C1orf185: variants seen among roughly 807,000 people sequenced by gnomAD.
C1orf185 encodes uncharacterized protein C1orf185.
In C1orf185, 13 loss-of-function variants were observed where a neutral mutation model predicts 16.1. That is an observed-to-expected ratio of 0.81 (90% CI 0.53 to 1.28). The LOEUF is 1.28. Ranked by LOEUF, C1orf185 falls within the 50% of genes most tolerant of loss-of-function variation. The pLI is 0.00. For synonymous variants in C1orf185, 80 were observed against 76.9 expected, an observed-to-expected ratio of 1.04 and a Z score of -0.21; for missense variants, 220 against 225.2, an observed-to-expected ratio of 0.98 and a Z score of 0.15.
intron 2 of C1orf185, among the ~76,000 whole-genome samples, chr1:51,114,105 G>C (rs1646141571): frequency 6.6e-6 from 1 of 152,128 alleles, no homozygotes; most frequent in African/African-American, 2.4e-5. Flanking sequence ...ACTGAAAGCA[G>C]AGCAAATACA....
chr1:51,140,183 T>C (rs1338848959), intron 3 of C1orf185, among the ~76,000 whole-genome samples: 1 of 152,226 alleles, frequency 6.6e-6, no homozygotes, highest in African/African-American at 2.4e-5. Context: ...TTTCGTTGTC[T>C]CACGCCTCAA....
chr1:51,106,760 ATTT>A (rs1188472569), intron 1 of C1orf185, among the ~76,000 whole-genome samples: 3 of 140,600 alleles, frequency 2.1e-5, no homozygotes, highest in African/African-American at 2.6e-5. Flanking sequence ...CAGATCTGTA[ATTT>A]TTTTTTTTTT....
intron 2 of C1orf185, 32 bp downstream of exon 2, chr1:51,112,601 T>C (rs1646129656): frequency 6.8e-7 from 1 of 1,479,144 alleles, no homozygotes; most frequent in Non-Finnish European, 9.1e-7. Flanking sequence ...CTTTAACCTT[T>C]TTTTCTTTTA....
chr1:51,134,043 C>T (rs1407708364), intron 3 of C1orf185, among the ~76,000 whole-genome samples: 2 of 152,040 alleles, frequency 1.3e-5, no homozygotes, highest in South Asian at 2.1e-4. Flanking sequence ...CATGGCACCA[C>T]TGCACTCCAC....
chr1:51,131,838 T>A (rs574168112), intron 3 of C1orf185, among the ~76,000 whole-genome samples: 1 of 152,116 alleles, frequency 6.6e-6, no homozygotes, highest in Non-Finnish European at 1.5e-5. Context: ...TACTAAATGC[T>A]TTGGCTGACA....
chr1:51,128,366 G>T (rs1271975653), intron 3 of C1orf185, among the ~76,000 whole-genome samples: 3 of 150,588 alleles, frequency 2.0e-5, no homozygotes, highest in African/African-American at 5.0e-5. Context: ...AACATATGGT[G>T]GTGTTATTAG....
At position 51,145,754 on chromosome 1, in the gene C1orf185, ATAAAAGG is replaced by A; in HGVS notation, c.292_295+3del. ...GCAAAGAAAAAAGGAAGCAGCACAT[ATAAAAGG>A]TATTTTTTCTCAATAATTTATTAGA... On this transcript the variant is annotated splice_donor_variant and coding_sequence_variant, in exon 4 of 5. Coordinates refer to ENST00000371759, the MANE Select transcript of C1orf185 (RefSeq NM_001136508.2). LOFTEE classifies it high-confidence loss of function. The A allele has an allele frequency of 1.5e-6, 2 of 1,308,700 alleles. No individual in the cohort carries two copies. Among genetic ancestry groups the A allele is most frequent in the Non-Finnish European group, 2.1e-6 (2 of 964,872 alleles). 81.1% of individuals were successfully genotyped at this position (1,308,700 alleles called of 1,614,324 possible). A position where few individuals can be genotyped will look rare whatever the true frequency, so the allele number is the denominator to read the frequency against.
Position 51,112,498 on chromosome 1 carries a change from T to C in C1orf185, c.51T>C (p.Ala17=). Residue 17 remains alanine, a synonymous_variant, in exon 2 of 5, where the codon GCT becomes GCC. Coordinates refer to ENST00000371759, the MANE Select transcript of C1orf185 (RefSeq NM_001136508.2). ...FFNYLTYFLA[A]GAVTLGIGFF... ...ATTACTTGACCTATTTTCTTGCTGCTGGTGCTGTCACTTTGGGAATTGGTT... is the reference window on the plus strand; with the variant it reads ...ATTACTTGACCTATTTTCTTGCTGCCGGTGCTGTCACTTTGGGAATTGGTT... The C allele has an allele frequency of 6.4e-7, 1 of 1,550,936 alleles. No individual in the cohort carries two copies. Among genetic ancestry groups the C allele is most frequent in the East Asian group, 2.4e-5 (1 of 40,900 alleles).
intron 3 of C1orf185, among the ~76,000 whole-genome samples, chr1:51,128,317 C>A (rs567353066): frequency 6.6e-6 from 1 of 152,272 alleles, no homozygotes; most frequent in South Asian, 2.1e-4. Context: ...TCACTCCCAC[C>A]AGCAATAAGT....
chr1:51,118,802 G>A lies in C1orf185; in HGVS notation c.258+1G>A, dbSNP rs1015519094. The A allele has an allele frequency of 2.8e-6, 4 of 1,440,280 alleles. No individual in the cohort carries two copies. Among genetic ancestry groups the A allele is most frequent in the African/African-American group, 2.9e-5 (2 of 69,276 alleles). The allele number at this position is 1,440,280 out of a possible 1,614,324, so 89.2% of individuals were successfully genotyped here. Reference sequence around the variant, plus strand: ...TCATACTGGGAGATTCCAATTACAGGTAGGGTGTAATATTTTATAGTAATC... The same window carrying A: ...TCATACTGGGAGATTCCAATTACAGATAGGGTGTAATATTTTATAGTAATC... On this transcript the variant is annotated splice_donor_variant, in intron 3 of 4. Coordinates refer to ENST00000371759, the MANE Select transcript of C1orf185 (RefSeq NM_001136508.2). LOFTEE classifies it high-confidence loss of function.
chr1:51,142,435 T>G (rs563341514), intron 3 of C1orf185, among the ~76,000 whole-genome samples: 1 of 152,242 alleles, frequency 6.6e-6, no homozygotes, highest in Non-Finnish European at 1.5e-5. Context: ...ACAGTGTTTA[T>G]CTGTGGATTT....
intron 3 of C1orf185, among the ~76,000 whole-genome samples, chr1:51,134,983 C>T (rs924274848): frequency 6.6e-6 from 1 of 151,978 alleles, no homozygotes; most frequent in Non-Finnish European, 1.5e-5. Flanking sequence ...AGGGACTCCT[C>T]CCTGACTCAT....
rs1646406922 is a variant in C1orf185 at position 51,147,327 on chromosome 1, T to C, written c.296-140T>C. On this transcript the variant is annotated intron_variant, in intron 4 of 4. Coordinates refer to ENST00000371759, the MANE Select transcript of C1orf185 (RefSeq NM_001136508.2). ...TGATTATCATGAAAATATTGCTAATTCCTAATTACATATAACACTGTGTGG... is the reference window on the plus strand; with the variant it reads ...TGATTATCATGAAAATATTGCTAATCCCTAATTACATATAACACTGTGTGG... The C allele has an allele frequency of 7.7e-6, 5 of 649,826 alleles. No individual in the cohort carries two copies. In the South Asian group the frequency reaches 1.9e-4, roughly 24 times the overall value. 40.3% of individuals were successfully genotyped at this position (649,826 alleles called of 1,614,324 possible).
intron 1 of C1orf185, among the ~76,000 whole-genome samples, chr1:51,103,853 T>C (rs572166188): frequency 1.3e-5 from 2 of 152,334 alleles, no homozygotes; most frequent in Non-Finnish European, 1.5e-5. Context: ...ATTAATTTCT[T>C]ATAATATTAT....
chr1:51,152,014 G>A (rs1421113499), downstream of C1orf185, among the ~76,000 whole-genome samples: 3 of 151,898 alleles, frequency 2.0e-5, no homozygotes, highest in Non-Finnish European at 2.9e-5. Flanking sequence ...TTATTTTATT[G>A]AGACAGTCTC....
intron 1 of C1orf185, among the ~76,000 whole-genome samples, chr1:51,112,044 T>C (rs1430114687): frequency 6.6e-6 from 1 of 152,092 alleles, no homozygotes; most frequent in Non-Finnish European, 1.5e-5. Context: ...TACTCTTATC[T>C]GCCTCCTTAT....
chr1:51,112,904 C>T (rs1646131685), intron 2 of C1orf185, among the ~76,000 whole-genome samples: 2 of 151,818 alleles, frequency 1.3e-5, no homozygotes, highest in South Asian at 4.2e-4. Flanking sequence ...ACTGCAAACT[C>T]CACCTCCTGG....
intron 3 of C1orf185, among the ~76,000 whole-genome samples, chr1:51,129,336 C>G (rs1370106263): frequency 6.6e-6 from 1 of 152,174 alleles, no homozygotes; most frequent in African/African-American, 2.4e-5. Flanking sequence ...CTCCCTCCCT[C>G]CCTTTCCCTA....
At chr1:51,145,278 C>T (rs912328379) in intron 3 of C1orf185, among the ~76,000 whole-genome samples, 1 of 151,644 alleles carries the variant, frequency 6.6e-6, no homozygotes, top group Non-Finnish European at 1.5e-5. Context: ...GCACTCCAGA[C>T]TGGGTGACAG....
Sources: allele counts gnomAD v4.1 joint callset (sites outside exome capture counted in the v4.1 genomes callset), GRCh38; gene constraint gnomAD v4.1.1; transcripts MANE v1.5; gene names NCBI Gene and HGNC (gene_info 2026-07-23, HGNC 2026-07-21).